SPAG16: variants seen among roughly 807,000 people sequenced by gnomAD.
The protein encoded by SPAG16 is sperm-associated antigen 16 protein.
Under a neutral mutation model 80.4 loss-of-function variants are expected in SPAG16, and 86 were observed. The ratio of observed to expected loss-of-function variants is 1.07; its 90% CI spans 0.90 to 1.28. SPAG16 has a LOEUF of 1.28. Among genes scored for constraint, SPAG16 ranks in the 50% most tolerant of loss-of-function variants. The pLI, the probability that SPAG16 is intolerant of heterozygous loss-of-function variation, is 0.00. For synonymous variants in SPAG16, 294 were observed against 265.9 expected (o/e 1.11, Z -1.03); for missense variants, 870 against 765.3 (o/e 1.14, Z -1.61).
chr2:214,020,675 A>T (rs1048849127), intron 13 of SPAG16, among the ~76,000 whole-genome samples: 1 of 152,192 alleles, frequency 6.6e-6, no homozygotes, highest in Non-Finnish European at 1.5e-5. Flanking sequence ...GATGATCTGT[A>T]CTTACCAATG....
At chr2:213,627,333 T>C (rs2061996368) in intron 10 of SPAG16, among the ~76,000 whole-genome samples, 1 of 152,230 alleles carries the variant, frequency 6.6e-6, no homozygotes, top group Non-Finnish European at 1.5e-5. Flanking sequence ...TCAAAGTTAA[T>C]AATTGCTAAG....
At chr2:214,087,535 A>T (rs568547434) in intron 13 of SPAG16, among the ~76,000 whole-genome samples, 2 of 152,290 alleles carry the variant, frequency 1.3e-5, no homozygotes, top group East Asian at 3.9e-4. Context: ...ATGTCACATG[A>T]TAATAAATGT....
chr2:214,344,402 T>C (rs1039927938), intron 15 of SPAG16, among the ~76,000 whole-genome samples: 1 of 152,210 alleles, frequency 6.6e-6, no homozygotes, highest in African/African-American at 2.4e-5. Flanking sequence ...CTTGCTTTTA[T>C]AAATATGAAT....
intron 10 of SPAG16, among the ~76,000 whole-genome samples, chr2:213,768,547 G>A (rs1420812367): frequency 6.6e-6 from 1 of 152,182 alleles, no homozygotes; most frequent in Non-Finnish European, 1.5e-5. Flanking sequence ...GGTATGGAAG[G>A]TGTGGAAAGA....
intron 10 of SPAG16, among the ~76,000 whole-genome samples, chr2:213,739,208 C>T (rs2125448830): frequency 6.6e-6 from 1 of 152,266 alleles, no homozygotes; most frequent in Middle Eastern, 3.4e-3. Context: ...CACGTAGCCT[C>T]AGTAGGATAA....
At chr2:214,272,431 G>A (rs570556626) in intron 15 of SPAG16, among the ~76,000 whole-genome samples, 3 of 152,150 alleles carry the variant, frequency 2.0e-5, no homozygotes, top group South Asian at 4.1e-4. Flanking sequence ...TTGTCCTAAT[G>A]CTATCCCTCC....
intron 9 of SPAG16, among the ~76,000 whole-genome samples, chr2:213,425,881 C>A (rs1006183764): frequency 6.6e-6 from 1 of 152,086 alleles, no homozygotes; most frequent in Non-Finnish European, 1.5e-5. Flanking sequence ...AACAGGGCTC[C>A]ATGGAGTAAT....
At chr2:214,091,097 C>G (rs10187607) in intron 13 of SPAG16, among the ~76,000 whole-genome samples, 14,202 of 151,994 alleles carry the variant, frequency 0.093, 837 homozygotes, top group East Asian at 0.28. Context: ...ATCCAAGTTT[C>G]TCCCTCTATT....
At position 213,483,306 on chromosome 2, in the gene SPAG16, CG is replaced by C. The variant is rs113404292; in HGVS notation, c.943-6656del. Among the ~76,000 whole-genome samples, 1,316 of 152,032 alleles carry C rather than the reference CG, an allele frequency of 8.7e-3. 21 individuals are homozygous for C. Among genetic ancestry groups the C allele is most frequent in the African/African-American group, 0.03 (1,228 of 41,464 alleles). On this transcript the variant is annotated intron_variant, in intron 9 of 15. Transcript: ENST00000331683. The stretch of plus-strand genomic sequence containing the variant: ...TTGGTCTGAATATTTTCTCAGAGTA[CG>C]TTTTTAGAAATGGACTTAATTATGG...
At chr2:213,495,532 G>T (rs540077830) in intron 10 of SPAG16, among the ~76,000 whole-genome samples, 48 of 152,138 alleles carry the variant, frequency 3.2e-4, no homozygotes, top group Non-Finnish European at 6.0e-4. Flanking sequence ...GCACTACTCT[G>T]GGCAGTTAAC....
intron 15 of SPAG16, among the ~76,000 whole-genome samples, chr2:214,339,285 C>A (rs373551368): frequency 9.9e-5 from 15 of 152,240 alleles, no homozygotes; most frequent in African/African-American, 3.1e-4. Flanking sequence ...GACAAGTCCA[C>A]ACATTTTTTT....
At chr2:213,328,132 C>T (rs552206873) in intron 5 of SPAG16, among the ~76,000 whole-genome samples, 1 of 152,098 alleles carries the variant, frequency 6.6e-6, no homozygotes, top group East Asian at 1.9e-4. Flanking sequence ...TATCTGTTAG[C>T]TGATTATAAA....
chr2:213,975,902 T>C (rs892091756), intron 12 of SPAG16, among the ~76,000 whole-genome samples: 2 of 151,828 alleles, frequency 1.3e-5, no homozygotes, highest in Admixed American at 1.3e-4. Context: ...TGGTTCTGGT[T>C]AACGGGTTCT....
chr2:213,350,702 A>G, intron 7 of SPAG16, 57 bp downstream of exon 7: 2 of 969,364 alleles, frequency 2.1e-6, no homozygotes, highest in Non-Finnish European at 3.0e-6. Context: ...TTTTAATAAT[A>G]CAAGTAGAAA....
intron 2 of SPAG16, 122 bp from the exon 3 acceptor site, chr2:213,297,140 G>A: frequency 6.8e-7 from 1 of 1,472,486 alleles, no homozygotes; most frequent in Non-Finnish European, 9.1e-7. Flanking sequence ...GAATGACATG[G>A]TATTTTACAT....
chr2:214,198,968 G>C (rs1553524039), intron 15 of SPAG16, among the ~76,000 whole-genome samples: 1 of 151,880 alleles, frequency 6.6e-6, no homozygotes, highest in Non-Finnish European at 1.5e-5. Flanking sequence ...TTGTCTTGCT[G>C]ATTTGTTGAG....
chr2:213,502,889 T>G (rs2074803824), intron 10 of SPAG16, among the ~76,000 whole-genome samples: 1 of 152,218 alleles, frequency 6.6e-6, no homozygotes. Context: ...TAGTTGGCAC[T>G]TAAAACACAG....
At chr2:213,386,651 T>C (rs143471116) in intron 9 of SPAG16, among the ~76,000 whole-genome samples, 16 of 152,308 alleles carry the variant, frequency 1.1e-4, no homozygotes, top group African/African-American at 2.4e-4. Context: ...TTTATAACAT[T>C]ATAAATCACA....
chr2:213,495,373 C>G (rs1191115568), intron 10 of SPAG16, among the ~76,000 whole-genome samples: 1 of 152,194 alleles, frequency 6.6e-6, no homozygotes, highest in Non-Finnish European at 1.5e-5. Context: ...CAAACTTTAT[C>G]AAGCTTTAAT....
Sources: gnomAD v4.1 joint callset for allele counts (sites outside exome capture counted in the v4.1 genomes callset) on GRCh38, gnomAD v4.1.1 for gene constraint, MANE v1.5 for transcripts, NCBI Gene and HGNC (gene_info 2026-07-23, HGNC 2026-07-21) for gene names.